Variants in GPC6 observed in about 807,000 individuals in gnomAD.
The protein encoded by GPC6 is glypican 6.
Under a neutral mutation model 55.2 loss-of-function variants are expected in GPC6, and 14 were observed. The ratio of observed to expected loss-of-function variants is 0.25; its 90% CI spans 0.17 to 0.40. The LOEUF (loss-of-function observed/expected upper bound fraction) is 0.40, where lower values mean the gene tolerates loss of function less well. Ranked by LOEUF, GPC6 falls within the 10% of genes least tolerant of loss-of-function variation. GPC6 has a pLI of 1.00. For missense variants in GPC6, 641 were observed against 708.5 expected (o/e 0.90, Z 1.08); for synonymous variants, 278 against 259.6 (o/e 1.07, Z -0.68).
chr13:93,671,146 A>G (rs1881341608), intron 2 of GPC6, among the ~76,000 whole-genome samples: 1 of 152,230 alleles, frequency 6.6e-6, no homozygotes, highest in Non-Finnish European at 1.5e-5. Flanking sequence ...ATTATTTTAA[A>G]GAACAGGGAG....
At chr13:94,252,461 G>A (rs1436179607) in intron 4 of GPC6, among the ~76,000 whole-genome samples, 7 of 151,920 alleles carry the variant, frequency 4.6e-5, no homozygotes, top group African/African-American at 1.7e-4. Flanking sequence ...TTTATTATGT[G>A]CCCCCATGCT....
At chr13:94,359,654 G>T (rs1878963317) in intron 6 of GPC6, among the ~76,000 whole-genome samples, 1 of 150,398 alleles carries the variant, frequency 6.6e-6, no homozygotes. Context: ...AGCTCCTTTT[G>T]CTGAGACCTT....
intron 3 of GPC6, among the ~76,000 whole-genome samples, chr13:93,929,595 C>A (rs557099678): frequency 1.3e-5 from 2 of 152,154 alleles, no homozygotes; most frequent in African/African-American, 4.8e-5. Flanking sequence ...ATAAAACAAG[C>A]AGTTTTTTCA....
At chr13:93,389,554 G>C (rs1047115277) in intron 1 of GPC6, among the ~76,000 whole-genome samples, 23 of 147,612 alleles carry the variant, frequency 1.6e-4, no homozygotes, top group Admixed American at 1.4e-3. Flanking sequence ...ATATGTAAAT[G>C]GTACCATTTA....
intron 1 of GPC6, among the ~76,000 whole-genome samples, chr13:93,297,547 A>C (rs1009620909): frequency 6.6e-6 from 1 of 152,166 alleles, no homozygotes; most frequent in Non-Finnish European, 1.5e-5. Flanking sequence ...AGGAGTATTG[A>C]GTAAGCCCAG....
At chr13:93,491,912 T>C (rs1168522390) in intron 1 of GPC6, among the ~76,000 whole-genome samples, 2 of 107,984 alleles carry the variant, frequency 1.9e-5, no homozygotes, top group Non-Finnish European at 4.0e-5. Context: ...CATGCTGTTT[T>C]GGTTACTGTA....
chr13:93,219,684 G>T, the GPC6 span, among the ~76,000 whole-genome samples: 3 of 151,972 alleles, frequency 2.0e-5, no homozygotes, highest in African/African-American at 7.3e-5. Flanking sequence ...CAAATTAAAA[G>T]CTTTGAGTAT....
rs543114817 is a variant in GPC6, at chr13:93,557,843, G to A, written c.319+12422G>A. ...ACTAGCCACATTCCCAAAATGTATT[G>A]GTATTTTTTTTCTTCCAATGGCTGA... On this transcript the variant is annotated intron_variant, in intron 2 of 8. Coordinates refer to ENST00000377047, the MANE Select transcript of GPC6 (RefSeq NM_005708.5). Among the ~76,000 whole-genome samples the A allele has an allele frequency of 1.3e-3, 192 of 152,012 alleles. 1 individual carries two copies. Among genetic ancestry groups the A allele is most frequent in the Admixed American group, 2.0e-3 (30 of 15,270 alleles).
intron 4 of GPC6, among the ~76,000 whole-genome samples, chr13:94,187,575 A>G (rs1889245922): frequency 6.6e-6 from 1 of 152,202 alleles, no homozygotes; most frequent in Non-Finnish European, 1.5e-5. Context: ...AGACTAATTC[A>G]AACATAAGAG....
intron 2 of GPC6, among the ~76,000 whole-genome samples, chr13:93,662,643 C>T (rs1012634761): frequency 1.8e-4 from 27 of 151,576 alleles, no homozygotes; most frequent in African/African-American, 5.1e-4. Context: ...AAAAGCCAAA[C>T]GAACAAACAA....
At chr13:93,374,714 A>G (rs902460308) in intron 1 of GPC6, among the ~76,000 whole-genome samples, 2 of 152,112 alleles carry the variant, frequency 1.3e-5, no homozygotes, top group Non-Finnish European at 2.9e-5. Flanking sequence ...AGAATGAGAA[A>G]CCTAATTAAG....
intron 1 of GPC6, among the ~76,000 whole-genome samples, chr13:93,236,589 C>T (rs1361288589): frequency 2.0e-5 from 3 of 152,150 alleles, no homozygotes; most frequent in Non-Finnish European, 4.4e-5. Context: ...TGAAATCTAT[C>T]GTGAACTGTG....
chr13:93,909,284 A>G (rs1458519332), intron 3 of GPC6, among the ~76,000 whole-genome samples: 1 of 152,196 alleles, frequency 6.6e-6, no homozygotes, highest in Non-Finnish European at 1.5e-5. Flanking sequence ...AAATTATAAT[A>G]TTGATCCTGA....
chr13:93,223,635 G>A, upstream of GPC6, among the ~76,000 whole-genome samples: 1 of 152,050 alleles, frequency 6.6e-6, no homozygotes, highest in East Asian at 1.9e-4. Flanking sequence ...GTAGAGAAGG[G>A]GTTTCGCCAT....
chr13:93,937,806 T>C (rs1213605750), intron 3 of GPC6, among the ~76,000 whole-genome samples: 1 of 152,192 alleles, frequency 6.6e-6, no homozygotes, highest in Admixed American at 6.5e-5. Flanking sequence ...CTCGAGCTCC[T>C]GACCCCAAGT....
intron 1 of GPC6, among the ~76,000 whole-genome samples, chr13:93,318,272 G>A (rs1466135931): frequency 6.6e-6 from 1 of 151,784 alleles, no homozygotes; most frequent in Non-Finnish European, 1.5e-5. Flanking sequence ...AGTTTTTTTT[G>A]TTGGTTGGTT....
In GPC6 at chr13:93,328,079, A is replaced by G. The variant is rs921251591; in HGVS notation, c.160+100463A>G. On this transcript the variant is annotated intron_variant, in intron 1 of 8. Transcript: ENST00000377047. ...TACATATTTTTATTCCTTCCAAACC[A>G]TTATGTATTTTCTTTCTCTTGCATG... 5.3e-5 allele frequency among the ~76,000 whole-genome samples: 8 copies of G among 151,840 alleles called. No homozygotes were observed. The East Asian group carries it at 1.6e-3, about 29-fold the overall frequency.
At chr13:93,393,463 G>T (rs1328169791) in intron 1 of GPC6, among the ~76,000 whole-genome samples, 2 of 151,968 alleles carry the variant, frequency 1.3e-5, no homozygotes, top group South Asian at 2.1e-4. Context: ...ATAATTTTGT[G>T]ACCCGTTTGA....
chr13:93,630,379 A>C (rs1252935499), intron 2 of GPC6, among the ~76,000 whole-genome samples: 1 of 152,150 alleles, frequency 6.6e-6, no homozygotes, highest in African/African-American at 2.4e-5. Context: ...TAGTTTCTTC[A>C]TCTGAATAAT....
Sources: allele counts gnomAD v4.1 joint callset (sites outside exome capture counted in the v4.1 genomes callset), GRCh38; gene constraint gnomAD v4.1.1; transcripts MANE v1.5; gene names NCBI Gene and HGNC (gene_info 2026-07-23, HGNC 2026-07-21).